Variants in GRM1 observed in about 807,000 individuals in gnomAD.
GRM1 encodes metabotropic glutamate receptor 1.
GRM1 carries 33 observed loss-of-function variants against 90.9 expected under a neutral mutation model. That is an observed-to-expected ratio of 0.36 (90% CI 0.28 to 0.49). The LOEUF is 0.49. Among genes scored for constraint, GRM1 ranks in the 20% least tolerant of loss-of-function variants. The probability of loss-of-function intolerance (pLI) is 0.99; values close to 1 mark genes in which losing one functional copy is unlikely to be tolerated. For synonymous variants in GRM1, 700 were observed against 613.2 expected, an observed-to-expected ratio of 1.14 and a Z score of -2.09; for missense variants, 1,190 against 1,534.3, an observed-to-expected ratio of 0.78 and a Z score of 3.75.
chr6:146,398,271 A>G (rs1215223508), intron 6 of GRM1, among the ~76,000 whole-genome samples: 1 of 152,232 alleles, frequency 6.6e-6, no homozygotes, highest in African/African-American at 2.4e-5. Flanking sequence ...AAAGAAGTCC[A>G]TGAAATTTAC....
chr6:146,433,549 T>C (rs1427234279), intron 7 of GRM1, among the ~76,000 whole-genome samples: 1 of 151,766 alleles, frequency 6.6e-6, no homozygotes, highest in Non-Finnish European at 1.5e-5. Flanking sequence ...TGTGTGTGTG[T>C]GTGTGTGTGT....
chr6:146,153,362 G>A (rs75460845), intron 1 of GRM1, among the ~76,000 whole-genome samples: 4,612 of 152,162 alleles, frequency 0.03, 245 homozygotes, highest in African/African-American at 0.11. Flanking sequence ...AGTATAACAG[G>A]GTTGTTTTGA....
intron 2 of GRM1, among the ~76,000 whole-genome samples, chr6:146,230,443 C>T (rs9485060): frequency 0.22 from 33,177 of 151,910 alleles, 7,430 homozygotes; most frequent in African/African-American, 0.57. Flanking sequence ...CAAAGAAATA[C>T]AAATTAAAAC....
At chr6:146,152,311 A>G (rs1487905341) in intron 1 of GRM1, among the ~76,000 whole-genome samples, 1 of 149,720 alleles carries the variant, frequency 6.7e-6, no homozygotes, top group East Asian at 1.9e-4. Context: ...CTTGCTTGGC[A>G]TCAGGCCCAC....
At chr6:146,405,220 G>T (rs1278927336) in intron 7 of GRM1, among the ~76,000 whole-genome samples, 1 of 152,070 alleles carries the variant, frequency 6.6e-6, no homozygotes, top group African/African-American at 2.4e-5. Context: ...TTAAGAGAAA[G>T]GTCTAGGCCA....
At chr6:146,120,080 G>A (rs995482956) in intron 1 of GRM1, among the ~76,000 whole-genome samples, 5 of 152,094 alleles carry the variant, frequency 3.3e-5, no homozygotes, top group Non-Finnish European at 7.4e-5. Context: ...TGAGCATGGA[G>A]TGTTCTTCCA....
chr6:146,157,520 GA>G (rs1447433781), intron 1 of GRM1, among the ~76,000 whole-genome samples: 1 of 152,168 alleles, frequency 6.6e-6, no homozygotes. Flanking sequence ...GGAAAGAATA[GA>G]AGAAGCAAAT....
intron 1 of GRM1, among the ~76,000 whole-genome samples, chr6:146,065,790 G>A (rs540940535): frequency 6.8e-4 from 103 of 152,238 alleles, no homozygotes; most frequent in African/African-American, 2.4e-3. Flanking sequence ...CTCCCTATGG[G>A]GAAATGTTGA....
chr6:146,154,506 T>C (rs754903465), intron 1 of GRM1, among the ~76,000 whole-genome samples: 3 of 152,194 alleles, frequency 2.0e-5, no homozygotes, highest in Admixed American at 1.3e-4. Flanking sequence ...TAATGCTTCG[T>C]TTGGGCTTCA....
At chr6:146,259,383 G>A (rs978463412) in intron 2 of GRM1, among the ~76,000 whole-genome samples, 2 of 152,042 alleles carry the variant, frequency 1.3e-5, no homozygotes, top group Admixed American at 1.3e-4. Context: ...TTAACGTTAG[G>A]CCCAATGTTG....
chr6:146,434,826 C>G lies in GRM1; in HGVS notation c.*30C>G. 6.4e-7 allele frequency: 1 copy of G among 1,558,832 alleles called. No homozygotes were observed. The highest frequency in any genetic ancestry group is 8.7e-7 in the Non-Finnish European group (1 of 1,143,680). On this transcript the variant is annotated 3_prime_UTR_variant, in exon 8 of 8. Coordinates refer to ENST00000282753, the MANE Select transcript of GRM1 (RefSeq NM_001278064.2). ...GAAGGGTCCACATAGAAAAGCAAGA[C>G]AAGCCAGAGATCTCCCACACCTCCA...
intron 1 of GRM1, among the ~76,000 whole-genome samples, chr6:146,064,616 C>T (rs1279451264): frequency 6.6e-6 from 1 of 151,242 alleles, no homozygotes; most frequent in Middle Eastern, 3.4e-3. Flanking sequence ...TTTTTAATTT[C>T]TCACAAAGAA....
chr6:146,313,626 G>A (rs554978655), intron 3 of GRM1, among the ~76,000 whole-genome samples: 3 of 152,246 alleles, frequency 2.0e-5, no homozygotes, highest in African/African-American at 4.8e-5. Flanking sequence ...AGTAACAGTT[G>A]TTCAGGATGG....
chr6:146,080,414 A>G (rs1776324734), intron 1 of GRM1, among the ~76,000 whole-genome samples: 1 of 152,184 alleles, frequency 6.6e-6, no homozygotes, highest in Non-Finnish European at 1.5e-5. Flanking sequence ...TTGTGTTTCT[A>G]ATGCCTAGGT....
intron 7 of GRM1, among the ~76,000 whole-genome samples, chr6:146,411,181 T>C (rs1777553847): frequency 6.6e-6 from 1 of 152,086 alleles, no homozygotes; most frequent in African/African-American, 2.4e-5. Flanking sequence ...ATGGGAGTGT[T>C]ATTAGAAGTC....
intron 2 of GRM1, among the ~76,000 whole-genome samples, chr6:146,274,855 A>G (rs1226721873): frequency 2.0e-5 from 3 of 152,080 alleles, no homozygotes; most frequent in Non-Finnish European, 4.4e-5. Flanking sequence ...TAATGTCCAG[A>G]CAGAAGACAC....
At chr6:146,236,199 A>G (rs1024145685) in intron 2 of GRM1, among the ~76,000 whole-genome samples, 2 of 152,300 alleles carry the variant, frequency 1.3e-5, no homozygotes, top group South Asian at 2.1e-4. Flanking sequence ...TTTCAAAAGT[A>G]AAATAAAAAT....
intron 2 of GRM1, among the ~76,000 whole-genome samples, chr6:146,178,090 T>TCATA (rs774610925): frequency 7.2e-5 from 11 of 152,198 alleles, no homozygotes; most frequent in Non-Finnish European, 1.6e-4. Context: ...TTTCCGCAGA[T>TCATA]CATAGTTTTT....
intron 6 of GRM1, among the ~76,000 whole-genome samples, chr6:146,390,729 G>A (rs538671109): frequency 6.6e-6 from 1 of 151,990 alleles, no homozygotes; most frequent in African/African-American, 2.4e-5. Context: ...TTTTGTGCCA[G>A]GTACTTTTTA....
Sources: allele counts gnomAD v4.1 joint callset (sites outside exome capture counted in the v4.1 genomes callset), GRCh38; gene constraint gnomAD v4.1.1; transcripts MANE v1.5; gene names NCBI Gene and HGNC (gene_info 2026-07-23, HGNC 2026-07-21).